The following PREX1 variants were observed in gnomAD, a reference collection of about 807,000 sequenced individuals.
PREX1 encodes phosphatidylinositol-3,4,5-trisphosphate dependent Rac exchange factor 1.
A neutral mutation model predicts 198.3 loss-of-function variants in PREX1; 41 were observed. That is an observed-to-expected ratio of 0.21 (90% confidence interval 0.16 to 0.27). The LOEUF is 0.27. PREX1 is among the 10% of genes least tolerant of loss of function. The pLI is 1.00. For synonymous variants in PREX1, 843 were observed against 887.2 expected (o/e 0.95, Z 0.89); for missense variants, 1,620 against 2,200.7 (o/e 0.74, Z 5.28).
intron 2 of PREX1, among the ~76,000 whole-genome samples, chr20:48,746,763 AAAAGG>A (rs1347984937): frequency 2.6e-5 from 4 of 152,210 alleles, no homozygotes; most frequent in Non-Finnish European, 4.4e-5. Context: ...TCATTAAAAA[AAAAGG>A]TAATTTTTTA....
intron 1 of PREX1, among the ~76,000 whole-genome samples, chr20:48,802,631 C>A (rs1022698361): frequency 6.6e-6 from 1 of 152,210 alleles, no homozygotes; most frequent in African/African-American, 2.4e-5. Flanking sequence ...TTTGTTATTT[C>A]TTCATTATTC....
chr20:48,636,789 A>G, intron 31 of PREX1, 106 bp from the exon 32 acceptor site: 1 of 936,660 alleles, frequency 1.1e-6, no homozygotes, highest in Non-Finnish European at 1.6e-6. Context: ...ACCCCCAGCA[A>G]AGGGCTAACA....
intron 9 of PREX1, among the ~76,000 whole-genome samples, chr20:48,690,106 A>C (rs934987461): frequency 2.6e-5 from 4 of 152,164 alleles, no homozygotes; most frequent in Non-Finnish European, 5.9e-5. Flanking sequence ...TTGGGGCAGA[A>C]GGCCGGGGGA....
chr20:48,843,133 A>G, the PREX1 span, among the ~76,000 whole-genome samples: 1 of 152,152 alleles, frequency 6.6e-6, no homozygotes, highest in Non-Finnish European at 1.5e-5. Flanking sequence ...AATTCCTCAA[A>G]TTGCTTAGTT....
At position 48,804,875 on chromosome 20, in the gene PREX1, G is replaced by A. The variant is rs189563408; in HGVS notation, c.219+22767C>T. ...AAGGAGGTGCCAGAGTGACTGGAAG[G>A]AGGGGGCCGCAAGAGGAGTGGCGGG... is the stretch of plus-strand genomic sequence containing the variant. On this transcript the variant is annotated intron_variant, in intron 1 of 39. Coordinates refer to ENST00000371941, the MANE Select transcript of PREX1 (RefSeq NM_020820.4). Among the ~76,000 whole-genome samples, 649 of 152,330 alleles carry A rather than the reference G, an allele frequency of 4.3e-3. 1 individual carries two copies. Among genetic ancestry groups the A allele is most frequent in the Non-Finnish European group, 6.0e-3 (410 of 68,026 alleles).
chr20:48,708,281 C>A lies in PREX1; in HGVS notation c.762G>T (p.Gln254His), dbSNP rs750850219. The change falls in exon 6 of 40, where the codon CAG becomes CAT. Residue 254 changes from glutamine to histidine, a missense_variant. Around this residue, in one of 7 missense-constraint regions of PREX1, gnomAD observed 488 missense variants for 802.5 expected, o/e 0.61. Coordinates refer to ENST00000371941, the MANE Select transcript of PREX1 (RefSeq NM_020820.4). ...ACACCTCCCAGCCTTCGATGTGGGA[C>A]TGCAGCTGCTCCAGGGCTTCCAGCT... ...MEKLEALEQL[Q>H]SHIEGWEGSN... is the part of the protein sequence containing the mutation. The A allele has an allele frequency of 6.2e-7, 1 of 1,614,074 alleles. No homozygotes were observed. Among genetic ancestry groups the A allele is most frequent in the Non-Finnish European group, 8.5e-7 (1 of 1,180,032 alleles).
chr20:48,775,724 G>A (rs957186455), intron 1 of PREX1, among the ~76,000 whole-genome samples: 8 of 152,202 alleles, frequency 5.3e-5, no homozygotes, highest in Middle Eastern at 3.4e-3. Flanking sequence ...TATAAGGTGC[G>A]GTTTCCCTGC....
intron 7 of PREX1, among the ~76,000 whole-genome samples, chr20:48,694,805 G>A (rs1385166982): frequency 1.3e-5 from 2 of 152,132 alleles, no homozygotes; most frequent in Non-Finnish European, 2.9e-5. Flanking sequence ...TGTGTGAGAT[G>A]GGAGCCACGG....
At position 48,664,992 on chromosome 20, in the gene PREX1, C is replaced by CGGCCTGAATTCTAATCCCGACTCCAGAT. The variant is rs1348910619; in HGVS notation, c.1738+1290_1738+1291insATCTGGAGTCGGGATTAGAATTCAGGCC. On this transcript the variant is annotated intron_variant, in intron 15 of 39. Transcript: ENST00000371941. ...GCCTGAATTCTAATCCCGCCCCAGACGGCCTGAATTCTAATCCCGACTCCA... is the reference window on the plus strand; with the variant it reads ...GCCTGAATTCTAATCCCGCCCCAGACGGCCTGAATTCTAATCCCGACTCCAGATGGCCTGAATTCTAATCCCGACTCCA... 4.4e-4 allele frequency among the ~76,000 whole-genome samples: 57 copies of CGGCCTGAATTCTAATCCCGACTCCAGAT among 130,848 alleles called. 3 individuals are homozygous for CGGCCTGAATTCTAATCCCGACTCCAGAT. Among genetic ancestry groups the CGGCCTGAATTCTAATCCCGACTCCAGAT allele is most frequent in the African/African-American group, 1.3e-3 (48 of 35,896 alleles). 85.8% of individuals were successfully genotyped at this position (130,848 alleles called of 152,430 possible). A position where few individuals can be genotyped will look rare whatever the true frequency, so the allele number is the denominator to read the frequency against.
intron 15 of PREX1, among the ~76,000 whole-genome samples, chr20:48,662,556 C>T (rs955780028): frequency 6.6e-6 from 1 of 152,156 alleles, no homozygotes. Flanking sequence ...AATGGCAAGC[C>T]TCAGTTTCCC....
At chr20:48,634,219 G>A (rs2089343381) in intron 33 of PREX1, among the ~76,000 whole-genome samples, 1 of 149,770 alleles carries the variant, frequency 6.7e-6, no homozygotes, top group African/African-American at 2.4e-5. Flanking sequence ...TGGGTGGGCA[G>A]GTGGAAGGAT....
At chr20:48,861,422 G>A in the PREX1 span, among the ~76,000 whole-genome samples, 1 of 152,194 alleles carries the variant, frequency 6.6e-6, no homozygotes, top group African/African-American at 2.4e-5. Context: ...AGAAGGTCCG[G>A]CCACCCGGGG....
intron 6 of PREX1, among the ~76,000 whole-genome samples, chr20:48,702,083 C>T (rs981438232): frequency 6.6e-6 from 1 of 152,152 alleles, no homozygotes; most frequent in Non-Finnish European, 1.5e-5. Context: ...ATGGCAGATG[C>T]CTGTAATCCC....
chr20:48,872,748 T>C, the PREX1 span, among the ~76,000 whole-genome samples: 2,259 of 151,694 alleles, frequency 0.015, 52 homozygotes, highest in African/African-American at 0.05. Context: ...TCTGTCTCAA[T>C]AAACAAATAA....
intron 1 of PREX1, among the ~76,000 whole-genome samples, chr20:48,799,668 C>G (rs2090377805): frequency 6.6e-6 from 1 of 152,114 alleles, no homozygotes; most frequent in African/African-American, 2.4e-5. Flanking sequence ...GGTTTTCCAG[C>G]CCCATTTTAG....
intron 3 of PREX1, among the ~76,000 whole-genome samples, chr20:48,744,494 C>T (rs2090098807): frequency 6.6e-6 from 1 of 152,178 alleles, no homozygotes; most frequent in Non-Finnish European, 1.5e-5. Context: ...AAGCAGTTGC[C>T]TTCCTTCTTC....
At chr20:48,726,057 C>T (rs1221589578) in intron 5 of PREX1, among the ~76,000 whole-genome samples, 2 of 152,126 alleles carry the variant, frequency 1.3e-5, no homozygotes, top group Non-Finnish European at 2.9e-5. Flanking sequence ...TGACCTTAAA[C>T]TTGAGAGGAT....
chr20:48,724,571 C>T (rs930800935), intron 5 of PREX1, among the ~76,000 whole-genome samples: 3 of 152,196 alleles, frequency 2.0e-5, no homozygotes, highest in Non-Finnish European at 2.9e-5. Context: ...CTGGCTACAT[C>T]CACTCTCTGC....
intron 16 of PREX1, 52 bp from the exon 17 acceptor site, chr20:48,658,280 G>A: frequency 6.3e-7 from 1 of 1,581,774 alleles, no homozygotes. Flanking sequence ...TGGGCCTACG[G>A]CCAGCCCCAC....
Sources: allele counts gnomAD v4.1 joint callset (sites outside exome capture counted in the v4.1 genomes callset), GRCh38; gene constraint gnomAD v4.1.1; regional missense constraint gnomAD v4.1.1; transcripts MANE v1.5; gene names NCBI Gene and HGNC (gene_info 2026-07-23, HGNC 2026-07-21).